Variants in CAMK1D observed in about 807,000 individuals in gnomAD.
CAMK1D encodes calcium/calmodulin dependent protein kinase ID, also known as calcium/calmodulin-dependent protein kinase type 1D.
Under a neutral mutation model 47.7 loss-of-function variants are expected in CAMK1D, and 9 were observed. That is an observed-to-expected ratio of 0.19 (90% confidence interval 0.11 to 0.33). The LOEUF (loss-of-function observed/expected upper bound fraction) is 0.33, where lower values mean the gene tolerates loss of function less well. CAMK1D is among the 10% of genes least tolerant of loss of function. The pLI is 1.00. For synonymous variants in CAMK1D, 184 were observed against 184.9 expected, an observed-to-expected ratio of 0.99 and a Z score of 0.04; for missense variants, 291 against 488.7, an observed-to-expected ratio of 0.60 and a Z score of 3.81.
chr10:12,615,764 G>A (rs577996805), intron 2 of CAMK1D, among the ~76,000 whole-genome samples: 17 of 150,918 alleles, frequency 1.1e-4, no homozygotes, highest in Non-Finnish European at 3.0e-5. Context: ...GTGTGCGTAG[G>A]TGTGTGTAAG....
chr10:12,503,493 A>G (rs1285123648), intron 1 of CAMK1D, among the ~76,000 whole-genome samples: 1 of 152,010 alleles, frequency 6.6e-6, no homozygotes, highest in Non-Finnish European at 1.5e-5. Context: ...AAGAAGGGAG[A>G]GCAGAGAGGG....
intron 2 of CAMK1D, among the ~76,000 whole-genome samples, chr10:12,616,876 C>T (rs1303869299): frequency 6.6e-6 from 1 of 152,150 alleles, no homozygotes; most frequent in Admixed American, 6.5e-5. Flanking sequence ...CCGAGGTGGT[C>T]TCTGTCTTGA....
At chr10:12,452,536 C>CAT (rs1833115373) in intron 1 of CAMK1D, among the ~76,000 whole-genome samples, 5 of 151,236 alleles carry the variant, frequency 3.3e-5, no homozygotes, top group Admixed American at 3.3e-4. Context: ...GCATTATGGT[C>CAT]CATATATCAA....
intron 3 of CAMK1D, among the ~76,000 whole-genome samples, chr10:12,737,409 A>G (rs1006074696): frequency 2.6e-5 from 4 of 152,100 alleles, no homozygotes; most frequent in Admixed American, 2.6e-4. Flanking sequence ...ATTAGAATGA[A>G]CTTCCTAGTC....
chr10:12,722,197 A>C (rs1834411269), intron 3 of CAMK1D, among the ~76,000 whole-genome samples: 1 of 152,112 alleles, frequency 6.6e-6, no homozygotes, highest in Admixed American at 6.5e-5. Flanking sequence ...TAATCCCAGC[A>C]CTTTGGGAGG....
At chr10:12,630,388 T>TTTAA (rs112347508) in intron 2 of CAMK1D, among the ~76,000 whole-genome samples, 6 of 142,264 alleles carry the variant, frequency 4.2e-5, no homozygotes, top group Admixed American at 7.1e-5. Context: ...TTTTTTTTTT[T>TTTAA]AAAAAAAAGA....
intron 1 of CAMK1D, among the ~76,000 whole-genome samples, chr10:12,406,454 T>C (rs978405219): frequency 7.9e-5 from 12 of 152,220 alleles, no homozygotes; most frequent in African/African-American, 2.6e-4. Context: ...CTCATGCCTG[T>C]AATCCCAGCA....
chr10:12,699,528 A>G (rs1355605487), intron 3 of CAMK1D, among the ~76,000 whole-genome samples: 3 of 152,088 alleles, frequency 2.0e-5, no homozygotes, highest in Non-Finnish European at 4.4e-5. Flanking sequence ...TAGAGTGGAA[A>G]GTTTACTCAG....
intron 1 of CAMK1D, among the ~76,000 whole-genome samples, chr10:12,462,792 A>C (rs1833475694): frequency 6.6e-6 from 1 of 152,048 alleles, no homozygotes; most frequent in Non-Finnish European, 1.5e-5. Context: ...CCTGGGCTCA[A>C]GCAATCCTCC....
At chr10:12,438,558 T>C (rs1200463631) in intron 1 of CAMK1D, among the ~76,000 whole-genome samples, 1 of 152,262 alleles carries the variant, frequency 6.6e-6, no homozygotes, top group Non-Finnish European at 1.5e-5. Flanking sequence ...TGAGGTCACA[T>C]TCTTGTCTTT....
chr10:12,821,355 T>A (rs1833004284), intron 8 of CAMK1D, among the ~76,000 whole-genome samples: 1 of 152,184 alleles, frequency 6.6e-6, no homozygotes, highest in South Asian at 2.1e-4. Context: ...GTAGCCAAGT[T>A]CACATTCCTG....
intron 2 of CAMK1D, among the ~76,000 whole-genome samples, chr10:12,575,234 A>G (rs1257368676): frequency 6.6e-6 from 1 of 152,234 alleles, no homozygotes; most frequent in South Asian, 2.1e-4. Context: ...CTGAGATTAC[A>G]GGGTCCTGCC....
At chr10:12,365,558 C>T (rs1309149846) in intron 1 of CAMK1D, among the ~76,000 whole-genome samples, 1 of 152,146 alleles carries the variant, frequency 6.6e-6, no homozygotes, top group Admixed American at 6.5e-5. Flanking sequence ...CCTGCCTCAG[C>T]CTCCCGAGTA....
At chr10:12,724,048 G>A (rs1219729346) in intron 3 of CAMK1D, among the ~76,000 whole-genome samples, 1 of 152,174 alleles carries the variant, frequency 6.6e-6, no homozygotes. Context: ...GAGTGCAGTG[G>A]CGTGATCCCA....
At chr10:12,604,056 C>G (rs1189161027) in intron 2 of CAMK1D, among the ~76,000 whole-genome samples, 1 of 152,052 alleles carries the variant, frequency 6.6e-6, no homozygotes, top group African/African-American at 2.4e-5. Flanking sequence ...CTTCTCTGGA[C>G]TCCGATAGTA....
chr10:12,734,919 G>A (rs1247778891), intron 3 of CAMK1D, among the ~76,000 whole-genome samples: 3 of 152,136 alleles, frequency 2.0e-5, no homozygotes, highest in Non-Finnish European at 2.9e-5. Flanking sequence ...TCCAAGAGTC[G>A]CTGCCACAGA....
chr10:12,595,328 G>C (rs1323952441), intron 2 of CAMK1D, among the ~76,000 whole-genome samples: 1 of 43,172 alleles, frequency 2.3e-5, no homozygotes, highest in Admixed American at 4.1e-4. Context: ...GGCAACAAGA[G>C]TGAAACTCCA....
At chr10:12,364,785 G>A (rs1250192229) in intron 1 of CAMK1D, among the ~76,000 whole-genome samples, 1 of 152,086 alleles carries the variant, frequency 6.6e-6, no homozygotes, top group African/African-American at 2.4e-5. Flanking sequence ...CACCTGGTCT[G>A]ATTTCAAGCT....
At chr10:12,585,765 A>G (rs1189736711) in intron 2 of CAMK1D, among the ~76,000 whole-genome samples, 1 of 152,240 alleles carries the variant, frequency 6.6e-6, no homozygotes, top group African/African-American at 2.4e-5. Context: ...TATGGGAGCT[A>G]CAATGCAAGA....
Sources: allele counts gnomAD v4.1 joint callset (sites outside exome capture counted in the v4.1 genomes callset), GRCh38; gene constraint gnomAD v4.1.1; transcripts MANE v1.5; gene names NCBI Gene and HGNC (gene_info 2026-07-23, HGNC 2026-07-21).